The following RIN3 variants were observed in gnomAD, a reference collection of about 807,000 sequenced individuals.
RIN3 encodes RAB5 interacting protein 3.
In RIN3, 54 loss-of-function variants were observed where a neutral mutation model predicts 76.3. The observed-to-expected ratio is 0.71, with a 90% CI of 0.57 to 0.89. The LOEUF is 0.89. RIN3 is among the 40% of genes least tolerant of loss of function. The pLI, the probability that RIN3 is intolerant of heterozygous loss-of-function variation, is 0.00. For synonymous variants in RIN3, 576 were observed against 564.0 expected (o/e 1.02, Z -0.30); for missense variants, 1,256 against 1,322.1 (o/e 0.95, Z 0.78).
intron 5 of RIN3, among the ~76,000 whole-genome samples, chr14:92,641,555 T>A (rs926091341): frequency 3.3e-5 from 5 of 152,204 alleles, no homozygotes; most frequent in African/African-American, 1.2e-4. Context: ...CAGCCACGTT[T>A]GGTCTAAGGG....
chr14:92,614,820 T>TATATAA (rs1566868908), intron 3 of RIN3, among the ~76,000 whole-genome samples: 1 of 143,176 alleles, frequency 7.0e-6, no homozygotes, highest in African/African-American at 2.6e-5. Flanking sequence ...TATATATATA[T>TATATAA]AAATTATCCA....
intron 3 of RIN3, among the ~76,000 whole-genome samples, chr14:92,578,717 T>G (rs1237960475): frequency 6.6e-6 from 1 of 152,112 alleles, no homozygotes; most frequent in Non-Finnish European, 1.5e-5. Flanking sequence ...TTGCACTGAG[T>G]CAGTTCCTGG....
chr14:92,673,991 C>T (rs7152959), intron 7 of RIN3, among the ~76,000 whole-genome samples: 45,259 of 152,058 alleles, frequency 0.3, 7,405 homozygotes, highest in Non-Finnish European at 0.36. Flanking sequence ...GAGTGTAGTG[C>T]GTTTGTTAAC....
chr14:92,688,247 C>CT lies in RIN3; in HGVS notation c.2954dup (p.Ter986ValfsTer78). 1 of 1,583,636 alleles carries CT rather than the reference C, an allele frequency of 6.3e-7. No homozygotes were observed. Among genetic ancestry groups the CT allele is most frequent in the Non-Finnish European group, 8.6e-7 (1 of 1,166,666 alleles). On this transcript the variant is annotated frameshift_variant, in exon 10 of 10. Coordinates refer to ENST00000216487, the MANE Select transcript of RIN3 (RefSeq NM_024832.5). LOFTEE classifies it high-confidence loss of function. ...CCTGGTGGTGCGGGAGCCCAACTTCCTGTGAGGCCCTCCCGGGGCGCCTCC... is the reference window on the plus strand; with the variant it reads ...CCTGGTGGTGCGGGAGCCCAACTTCCTTGTGAGGCCCTCCCGGGGCGCCTCC...
intron 3 of RIN3, among the ~76,000 whole-genome samples, chr14:92,590,081 A>G (rs966973550): frequency 1.3e-5 from 2 of 152,218 alleles, no homozygotes; most frequent in African/African-American, 4.8e-5. Flanking sequence ...TTCACTGTGG[A>G]CAGGCCTGAG....
At chr14:92,529,925 C>T (rs183619379) in intron 1 of RIN3, among the ~76,000 whole-genome samples, 1 of 152,238 alleles carries the variant, frequency 6.6e-6, no homozygotes, top group East Asian at 1.9e-4. Context: ...TAATTCGGTG[C>T]CCTTCAACAG....
At chr14:92,595,063 C>T (rs998338084) in intron 3 of RIN3, among the ~76,000 whole-genome samples, 1 of 152,208 alleles carries the variant, frequency 6.6e-6, no homozygotes, top group Admixed American at 6.5e-5. Flanking sequence ...TCATTGATAA[C>T]ATATTCATGC....
chr14:92,513,854 T>A lies in RIN3; in HGVS notation c.-79T>A. 4.7e-6 allele frequency: 5 copies of A among 1,057,988 alleles called. No individual in the cohort carries two copies. The highest frequency in any genetic ancestry group is 4.5e-5 in the Admixed American group (1 of 22,380). 65.5% of individuals were successfully genotyped at this position (1,057,988 alleles called of 1,614,324 possible). A position where few individuals can be genotyped will look rare whatever the true frequency, so the allele number is the denominator to read the frequency against. On this transcript the variant is annotated 5_prime_UTR_variant, in exon 1 of 10. It removes an upstream start codon present in the reference 5' UTR. Transcript: ENST00000216487. ...TTCCAGAGGGCCAGAGCCAGGGACA[T>A]GCGGGCGCCCGGGACTCCGCGTTCC...
At chr14:92,679,181 A>C (rs1395717796) in intron 8 of RIN3, among the ~76,000 whole-genome samples, 1 of 152,240 alleles carries the variant, frequency 6.6e-6, no homozygotes, top group African/African-American at 2.4e-5. Flanking sequence ...GATTCTGACC[A>C]AGGCTGCCTG....
intron 1 of RIN3, among the ~76,000 whole-genome samples, chr14:92,552,285 G>T (rs1464578450): frequency 6.6e-6 from 1 of 152,210 alleles, no homozygotes; most frequent in Non-Finnish European, 1.5e-5. Flanking sequence ...GCAGCCTCGT[G>T]CTTCAGGATG....
At chr14:92,645,578 G>A (rs1887166937) in intron 5 of RIN3, among the ~76,000 whole-genome samples, 1 of 152,250 alleles carries the variant, frequency 6.6e-6, no homozygotes, top group Admixed American at 6.5e-5. Flanking sequence ...ACAGAAAGCA[G>A]ATTGGCGATT....
intron 2 of RIN3, among the ~76,000 whole-genome samples, chr14:92,564,941 G>A (rs764080067): frequency 3.3e-5 from 5 of 152,218 alleles, no homozygotes; most frequent in Admixed American, 6.5e-5. Context: ...GCTAATCAGG[G>A]AAGGCTTTCA....
At chr14:92,612,473 T>C (rs1885779476) in intron 3 of RIN3, among the ~76,000 whole-genome samples, 1 of 152,196 alleles carries the variant, frequency 6.6e-6, no homozygotes, top group South Asian at 2.1e-4. Context: ...AGCCACGTGG[T>C]AAGAGGTCCA....
At chr14:92,684,853 G>A (rs907150386) in intron 8 of RIN3, 134 bp from the exon 9 acceptor site, 5 of 919,896 alleles carry the variant, frequency 5.4e-6, no homozygotes, top group East Asian at 4.9e-5. Flanking sequence ...AGCTGTTGAA[G>A]CAGGTGTTTG....
intron 3 of RIN3, among the ~76,000 whole-genome samples, chr14:92,598,212 T>C (rs1158750609): frequency 2.0e-5 from 3 of 152,162 alleles, no homozygotes; most frequent in Admixed American, 1.3e-4. Context: ...AGAGACCATG[T>C]GGAGAGGCCT....
At chr14:92,594,464 A>G (rs964361978) in intron 3 of RIN3, among the ~76,000 whole-genome samples, 5 of 152,036 alleles carry the variant, frequency 3.3e-5, no homozygotes, top group Admixed American at 6.6e-5. Flanking sequence ...TAATCATACA[A>G]TGTCTTCTCT....
chr14:92,578,859 T>C lies in RIN3; in HGVS notation c.367+1382T>C, dbSNP rs375941966. 1.2e-4 allele frequency among the ~76,000 whole-genome samples: 19 copies of C among 152,284 alleles called. 1 individual carries two copies. The highest frequency in any genetic ancestry group is 3.4e-3 in the Middle Eastern group (1 of 294). ...ATAGTAACATTATCTACAGGAGCAA[T>C]TGGGGACATTAGTGATCTTGTGGCC... On this transcript the variant is annotated intron_variant, in intron 3 of 9. Transcript: ENST00000216487.
At position 92,672,391 on chromosome 14, in the gene RIN3, G is replaced by A. The variant is rs373521362; in HGVS notation, c.2336-4084G>A. Among the ~76,000 whole-genome samples the A allele has an allele frequency of 7.0e-4, 107 of 152,300 alleles. 2 individuals are homozygous for A. In the South Asian group the frequency reaches 0.02, roughly 28 times the overall value. On this transcript the variant is annotated intron_variant, in intron 7 of 9. Transcript: ENST00000216487. Reference sequence around the variant, plus strand: ...CGTGCCACTGCACTCCAGCCTGGGCGACAAGAGCAAGACTCCTTCTACAAA... The same window carrying A: ...CGTGCCACTGCACTCCAGCCTGGGCAACAAGAGCAAGACTCCTTCTACAAA...
intron 1 of RIN3, among the ~76,000 whole-genome samples, chr14:92,544,607 C>T (rs1203800526): frequency 3.9e-5 from 6 of 152,168 alleles, no homozygotes; most frequent in Non-Finnish European, 7.3e-5. Flanking sequence ...AGGGCACTGG[C>T]AGAAGGAACA....
Sources: gnomAD v4.1 joint callset for allele counts (sites outside exome capture counted in the v4.1 genomes callset) on GRCh38, gnomAD v4.1.1 for gene constraint, MANE v1.5 for transcripts, NCBI Gene and HGNC (gene_info 2026-07-23, HGNC 2026-07-21) for gene names.